CADM1: variants seen among roughly 807,000 people sequenced by gnomAD.
CADM1 encodes cell adhesion molecule 1.
CADM1 carries 15 observed loss-of-function variants against 53.1 expected under a neutral mutation model. That is an observed-to-expected ratio of 0.28 (90% CI 0.19 to 0.44). The LOEUF (loss-of-function observed/expected upper bound fraction) is 0.44. Among genes scored for constraint, CADM1 ranks in the 20% least tolerant of loss-of-function variants. The pLI, the probability that CADM1 is intolerant of heterozygous loss-of-function variation, is 1.00. For synonymous variants in CADM1, 281 were observed against 243.0 expected, an observed-to-expected ratio of 1.16 and a Z score of -1.45; for missense variants, 434 against 611.3, an observed-to-expected ratio of 0.71 and a Z score of 3.06.
intron 1 of CADM1, among the ~76,000 whole-genome samples, chr11:115,423,555 TC>T (rs1420189420): frequency 6.6e-6 from 1 of 152,110 alleles, no homozygotes; most frequent in African/African-American, 2.4e-5. Context: ...CTGTTATCTA[TC>T]CCCCCACCTT....
chr11:115,274,770 G>T (rs1000343177), intron 1 of CADM1, among the ~76,000 whole-genome samples: 3 of 151,992 alleles, frequency 2.0e-5, no homozygotes, highest in African/African-American at 4.8e-5. Context: ...TATAAATACC[G>T]GTATTTCTTG....
In CADM1 at chr11:115,173,739, G is replaced by A; in HGVS notation, c.*2735C>T. The A allele has an allele frequency of 1.1e-6, 1 of 939,932 alleles. No individual in the cohort carries two copies. The highest frequency in any genetic ancestry group is 1.3e-6 in the Non-Finnish European group (1 of 791,402). 58.2% of individuals were successfully genotyped at this position (939,932 alleles called of 1,614,324 possible). A position where few individuals can be genotyped will look rare whatever the true frequency, so the allele number is the denominator to read the frequency against. Reference sequence around the variant, plus strand: ...ACATGAACCAATACAAAATGCGAATGGGAACATATGGATATGGAGTTTCTT... The same window carrying A: ...ACATGAACCAATACAAAATGCGAATAGGAACATATGGATATGGAGTTTCTT... On this transcript the variant is annotated 3_prime_UTR_variant, in exon 12 of 12. Transcript: ENST00000331581.
At chr11:115,295,281 C>A (rs1944020809) in intron 1 of CADM1, among the ~76,000 whole-genome samples, 1 of 151,690 alleles carries the variant, frequency 6.6e-6, no homozygotes, top group Admixed American at 6.6e-5. Context: ...AGTACGTCCA[C>A]CTGCTCTTCC....
intron 1 of CADM1, among the ~76,000 whole-genome samples, chr11:115,311,301 T>C (rs372395458): frequency 3.3e-5 from 5 of 152,148 alleles, no homozygotes; most frequent in Admixed American, 3.3e-4. Context: ...ATCCTCATGA[T>C]TGTCATGACT....
intron 8 of CADM1, among the ~76,000 whole-genome samples, chr11:115,207,636 G>C (rs7942036): frequency 0.46 from 70,556 of 151,802 alleles, 17,142 homozygotes; most frequent in Non-Finnish European, 0.54. Context: ...AATGAAAAGT[G>C]TTGTTCCATA....
At chr11:115,435,712 T>C (rs1948169203) in intron 1 of CADM1, among the ~76,000 whole-genome samples, 1 of 152,164 alleles carries the variant, frequency 6.6e-6, no homozygotes, top group Non-Finnish European at 1.5e-5. Flanking sequence ...GCCTGGGCCA[T>C]AGAGTGAGAC....
chr11:115,189,753 C>G (rs1161465223), intron 10 of CADM1, among the ~76,000 whole-genome samples: 1 of 152,156 alleles, frequency 6.6e-6, no homozygotes, highest in Non-Finnish European at 1.5e-5. Flanking sequence ...CAACTGGGTA[C>G]TTAGTACATG....
chr11:115,491,928 A>G (rs1949506298), intron 1 of CADM1, among the ~76,000 whole-genome samples: 1 of 152,152 alleles, frequency 6.6e-6, no homozygotes, highest in Non-Finnish European at 1.5e-5. Flanking sequence ...CAGGGCAGGG[A>G]ACATCATACA....
chr11:115,406,155 T>C (rs1947307300), intron 1 of CADM1, among the ~76,000 whole-genome samples: 1 of 152,192 alleles, frequency 6.6e-6, no homozygotes, highest in East Asian at 1.9e-4. Context: ...GTAAATGGTA[T>C]CTTTAGACCC....
chr11:115,471,293 A>G (rs140679087), intron 1 of CADM1, among the ~76,000 whole-genome samples: 50 of 152,358 alleles, frequency 3.3e-4, no homozygotes, highest in Admixed American at 3.0e-3. Context: ...CCTTACAGAA[A>G]AACATGATCA....
chr11:115,206,928 TG>T (rs1165354746), intron 8 of CADM1, among the ~76,000 whole-genome samples: 1 of 151,986 alleles, frequency 6.6e-6, no homozygotes, highest in African/African-American at 2.4e-5. Context: ...GGATTCAGAC[TG>T]GAAGATTTTT....
rs1237050197 is a variant in CADM1 at position 115,169,721 on chromosome 11, T to C, written c.*6753A>G. ...GATTAGTGCAGAAGATTCCCTTCCA[T>C]AGCAATACTTTTTAATCAGGTCTGC... On this transcript the variant is annotated 3_prime_UTR_variant, in exon 12 of 12. Coordinates refer to ENST00000331581, the MANE Select transcript of CADM1 (RefSeq NM_001301043.2). 4 of 434,558 alleles carry C rather than the reference T, an allele frequency of 9.2e-6. No individual in the cohort carries two copies. Among genetic ancestry groups the C allele is most frequent in the Admixed American group, 5.1e-5 (2 of 39,590 alleles). 26.9% of individuals were successfully genotyped at this position (434,558 alleles called of 1,614,324 possible). A position where few individuals can be genotyped will look rare whatever the true frequency, so the allele number is the denominator to read the frequency against.
chr11:115,200,837 G>C (rs1019581070), intron 8 of CADM1, among the ~76,000 whole-genome samples: 3 of 152,200 alleles, frequency 2.0e-5, no homozygotes, highest in African/African-American at 7.2e-5. Context: ...ACAAATGATA[G>C]AAGGGCGGGG....
chr11:115,451,641 T>C (rs1158320485), intron 1 of CADM1, among the ~76,000 whole-genome samples: 4 of 152,314 alleles, frequency 2.6e-5, no homozygotes, highest in South Asian at 2.1e-4. Context: ...AGTGTAGTCA[T>C]TGGCTTCAGT....
chr11:115,281,496 T>C lies in CADM1; in HGVS notation c.125-41076A>G, dbSNP rs74234242. ...CTCAATTTTTTTAACCATTTTTCTATTATAAATTTTGCATGAATTTATTTC... is the reference window on the plus strand; with the variant it reads ...CTCAATTTTTTTAACCATTTTTCTACTATAAATTTTGCATGAATTTATTTC... On this transcript the variant is annotated intron_variant, in intron 1 of 11. Transcript: ENST00000331581. Among the ~76,000 whole-genome samples the C allele has an allele frequency of 4.6e-5, 7 of 152,370 alleles. No homozygotes were observed. In the East Asian group the frequency reaches 1.4e-3, roughly 29 times the overall value.
At chr11:115,351,284 A>G (rs1359428724) in intron 1 of CADM1, among the ~76,000 whole-genome samples, 6 of 152,174 alleles carry the variant, frequency 3.9e-5, no homozygotes, top group Admixed American at 6.5e-5. Flanking sequence ...TCTTTCTGTC[A>G]TAGAAACTTA....
At chr11:115,218,551 T>C (rs1002023540) in intron 5 of CADM1, among the ~76,000 whole-genome samples, 8 of 152,152 alleles carry the variant, frequency 5.3e-5, no homozygotes, top group African/African-American at 1.9e-4. Context: ...AAAGAAAAAA[T>C]ACTGACATTT....
intron 1 of CADM1, among the ~76,000 whole-genome samples, chr11:115,443,326 A>C (rs901213903): frequency 6.6e-6 from 1 of 152,238 alleles, no homozygotes; most frequent in African/African-American, 2.4e-5. Flanking sequence ...TTAATTATAC[A>C]TCAAAAATAA....
intron 1 of CADM1, among the ~76,000 whole-genome samples, chr11:115,345,365 C>A (rs879385209): frequency 6.6e-6 from 1 of 152,154 alleles, no homozygotes; most frequent in Non-Finnish European, 1.5e-5. Context: ...TTTTCCTCTG[C>A]TCTGAAAATG....
Sources: gnomAD v4.1 joint callset for allele counts (sites outside exome capture counted in the v4.1 genomes callset) on GRCh38, gnomAD v4.1.1 for gene constraint, MANE v1.5 for transcripts, NCBI Gene and HGNC (gene_info 2026-07-23, HGNC 2026-07-21) for gene names.